The following RPS6KC1 variants were observed in gnomAD, a reference collection of about 807,000 sequenced individuals.
The protein encoded by RPS6KC1 is inactive ribosomal protein S6 kinase delta-1.
A neutral mutation model predicts 103.8 loss-of-function variants in RPS6KC1; 54 were observed. The ratio of observed to expected loss-of-function variants is 0.52; its 90% CI spans 0.42 to 0.65. The LOEUF (loss-of-function observed/expected upper bound fraction) is 0.65. Ranked by LOEUF, RPS6KC1 falls within the 30% of genes least tolerant of loss-of-function variation. The pLI is 0.00. For synonymous variants in RPS6KC1, 439 were observed against 438.7 expected (o/e 1.00, Z -0.01); for missense variants, 1,151 against 1,253.8 (o/e 0.92, Z 1.24).
intron 14 of RPS6KC1, among the ~76,000 whole-genome samples, chr1:213,267,661 TAAAGG>T (rs1302779881): frequency 3.3e-5 from 5 of 152,060 alleles, no homozygotes; most frequent in East Asian, 1.9e-4. Flanking sequence ...TTTAAATTAT[TAAAGG>T]AAAGTATGAC....
chr1:213,427,174 A>G, the RPS6KC1 span, among the ~76,000 whole-genome samples: 1 of 152,178 alleles, frequency 6.6e-6, no homozygotes, highest in Admixed American at 6.5e-5. Context: ...ATAATATTGC[A>G]TTGAAAGAGT....
chr1:213,111,167 A>T, intron 4 of RPS6KC1, among the ~76,000 whole-genome samples: 1 of 152,072 alleles, frequency 6.6e-6, no homozygotes, highest in East Asian at 1.9e-4. Flanking sequence ...TTATGCTTTT[A>T]GTCAATTTCC....
At chr1:213,254,036 A>T (rs1463956407) in intron 12 of RPS6KC1, among the ~76,000 whole-genome samples, 1 of 152,204 alleles carries the variant, frequency 6.6e-6, no homozygotes, top group Non-Finnish European at 1.5e-5. Context: ...TTTTCTGAAA[A>T]ATATCTTGGC....
chr1:213,080,925 A>G (rs1226825703), intron 3 of RPS6KC1, among the ~76,000 whole-genome samples: 1 of 152,250 alleles, frequency 6.6e-6, no homozygotes, highest in African/African-American at 2.4e-5. Flanking sequence ...GGTATACCAC[A>G]ATTACATTTT....
the RPS6KC1 span, among the ~76,000 whole-genome samples, chr1:213,316,619 T>TG: frequency 1.3e-5 from 2 of 152,042 alleles, no homozygotes; most frequent in Non-Finnish European, 2.9e-5. Context: ...AGGCAGATGA[T>TG]GAACAAATTA....
At chr1:213,334,789 T>C in the RPS6KC1 span, among the ~76,000 whole-genome samples, 1 of 152,240 alleles carries the variant, frequency 6.6e-6, no homozygotes, top group African/African-American at 2.4e-5. Flanking sequence ...CTCTCCTTTA[T>C]CCATCATAGC....
the RPS6KC1 span, among the ~76,000 whole-genome samples, chr1:213,812,097 AG>A: frequency 6.6e-6 from 1 of 152,214 alleles, no homozygotes; most frequent in East Asian, 1.9e-4. Context: ...AGTCTTCTAA[AG>A]CTTCACTTTA....
At position 213,274,698 on chromosome 1, in the gene RPS6KC1, T is replaced by G. The variant is rs541415166; in HGVS notation, c.*2064T>G. ...TGTGAATGGTACTGATTTTTGTGGT[T>G]GTTTTTTTTTTATATTTTGTTTGTT... On this transcript the variant is annotated 3_prime_UTR_variant, in exon 15 of 15. Coordinates refer to ENST00000366960, the MANE Select transcript of RPS6KC1 (RefSeq NM_012424.6). 4 of 140,722 alleles carry G rather than the reference T, an allele frequency of 2.8e-5. No homozygotes were observed. Among genetic ancestry groups the G allele is most frequent in the Middle Eastern group, 4.3e-3 (1 of 232 alleles). 8.7% of individuals were successfully genotyped at this position (140,722 alleles called of 1,614,324 possible).
chr1:213,730,995 AC>A, the RPS6KC1 span, among the ~76,000 whole-genome samples: 1 of 152,084 alleles, frequency 6.6e-6, no homozygotes, highest in Non-Finnish European at 1.5e-5. Flanking sequence ...CACATAGTTA[AC>A]CAGTTATCCC....
At chr1:213,602,038 T>TTCTTTC in the RPS6KC1 span, among the ~76,000 whole-genome samples, 440 of 26,112 alleles carry the variant, frequency 0.017, 83 homozygotes, top group East Asian at 0.036. Context: ...CTCTTTCTCT[T>TTCTTTC]TCTTTCTTTC....
chr1:213,071,119 A>C, intron 2 of RPS6KC1, 78 bp downstream of exon 2: 2 of 869,140 alleles, frequency 2.3e-6, no homozygotes, highest in Non-Finnish European at 3.6e-6. Flanking sequence ...AATTGCCTGA[A>C]TCATTTGTAC....
chr1:213,310,950 G>A, the RPS6KC1 span, among the ~76,000 whole-genome samples: 1 of 152,016 alleles, frequency 6.6e-6, no homozygotes, highest in African/African-American at 2.4e-5. Context: ...CCTCACACGG[G>A]GAACCAGAAG....
At chr1:213,302,832 G>T in the RPS6KC1 span, among the ~76,000 whole-genome samples, 1 of 152,134 alleles carries the variant, frequency 6.6e-6, no homozygotes, top group African/African-American at 2.4e-5. Context: ...GTATTCAGGA[G>T]CTTATTTTTG....
the RPS6KC1 span, among the ~76,000 whole-genome samples, chr1:213,521,067 C>G: frequency 1.3e-5 from 2 of 152,086 alleles, no homozygotes. Context: ...TCTATATGCT[C>G]TGTTCTACAA....
chr1:213,405,645 A>T, the RPS6KC1 span, among the ~76,000 whole-genome samples: 1 of 152,172 alleles, frequency 6.6e-6, no homozygotes, highest in Non-Finnish European at 1.5e-5. Context: ...AGATTCCATT[A>T]ATTTCAGCAG....
At chr1:213,549,522 T>G in the RPS6KC1 span, among the ~76,000 whole-genome samples, 3 of 152,210 alleles carry the variant, frequency 2.0e-5, no homozygotes, top group Admixed American at 1.3e-4. Flanking sequence ...CCCTGTTCTC[T>G]TCTACCTTTT....
chr1:213,239,181 T>TA (rs760093982), intron 10 of RPS6KC1, among the ~76,000 whole-genome samples: 1 of 152,024 alleles, frequency 6.6e-6, no homozygotes, highest in African/African-American at 2.4e-5. Flanking sequence ...GGGAAGATGA[T>TA]ACAAAAATTA....
intron 12 of RPS6KC1, among the ~76,000 whole-genome samples, chr1:213,244,146 TA>T (rs1220605989): frequency 6.6e-6 from 1 of 151,800 alleles, no homozygotes; most frequent in African/African-American, 2.4e-5. Context: ...ATCATGTTAG[TA>T]AATAGGATAA....
At chr1:213,173,199 A>C (rs978951446) in intron 7 of RPS6KC1, among the ~76,000 whole-genome samples, 1 of 152,246 alleles carries the variant, frequency 6.6e-6, no homozygotes, top group Non-Finnish European at 1.5e-5. Flanking sequence ...ACCCAATTTA[A>C]GCACTACATA....
Sources: gnomAD v4.1 joint callset for allele counts (sites outside exome capture counted in the v4.1 genomes callset) on GRCh38, gnomAD v4.1.1 for gene constraint, MANE v1.5 for transcripts, NCBI Gene and HGNC (gene_info 2026-07-23, HGNC 2026-07-21) for gene names.